RDX: variants seen among roughly 807,000 people sequenced by gnomAD.
RDX encodes deafness, autosomal recessive 24.
In RDX, 32 loss-of-function variants were observed where a neutral mutation model predicts 83.7. That is an observed-to-expected ratio of 0.38 (90% CI 0.29 to 0.51). The LOEUF (loss-of-function observed/expected upper bound fraction) is 0.51. RDX is among the 20% of genes least tolerant of loss of function. The pLI, the probability that RDX is intolerant of heterozygous loss-of-function variation, is 0.87. For missense variants in RDX, 600 were observed against 689.9 expected (o/e 0.87, Z 1.46); for synonymous variants, 229 against 222.7 (o/e 1.03, Z -0.25).
At chr11:110,189,243 TAA>T (rs35450797) in intron 15 of RDX, among the ~76,000 whole-genome samples, 58 of 35,586 alleles carry the variant, frequency 1.6e-3, no homozygotes, top group South Asian at 3.7e-3. Context: ...GAACAACAGG[TAA>T]AAAAAAAAAA....
chr11:110,219,414 T>C (rs941861773), intron 14 of RDX, among the ~76,000 whole-genome samples: 2 of 152,194 alleles, frequency 1.3e-5, no homozygotes, highest in Admixed American at 6.5e-5. Context: ...CCGAAGGATT[T>C]TGAGCACAAG....
Position 110,242,407 on chromosome 11 carries a change from C to T in RDX, c.1091-4755G>A, listed in dbSNP as rs898639075. The stretch of plus-strand genomic sequence containing the variant: ...CGAGATTGCACAATCGCACTCCAGC[C>T]TAGGGGACAAGAGCAAGACTTTGTC... On this transcript the variant is annotated intron_variant, in intron 10 of 13. Coordinates refer to ENST00000645495, the MANE Select transcript of RDX (RefSeq NM_002906.4). Among the ~76,000 whole-genome samples the T allele has an allele frequency of 2.0e-5, 3 of 147,984 alleles. No homozygotes were observed. The South Asian group carries it at 6.4e-4, about 31-fold the overall frequency.
chr11:110,187,574 C>T (rs1863011900), intron 15 of RDX, among the ~76,000 whole-genome samples: 1 of 152,206 alleles, frequency 6.6e-6, no homozygotes, highest in African/African-American at 2.4e-5. Flanking sequence ...GCCCCCACTC[C>T]CTGTGCAGAG....
intron 3 of RDX, among the ~76,000 whole-genome samples, chr11:110,266,077 C>T (rs1860029695): frequency 6.6e-6 from 1 of 152,016 alleles, no homozygotes; most frequent in African/African-American, 2.4e-5. Context: ...GTAATCCCAG[C>T]ACTTTGGGAG....
At chr11:110,254,167 A>C in intron 8 of RDX, 58 bp from the exon 9 acceptor site, 1 of 1,414,658 alleles carries the variant, frequency 7.1e-7, no homozygotes, top group Non-Finnish European at 9.9e-7. Flanking sequence ...CTCTCATAAC[A>C]ATCTGTACTA....
chr11:110,288,522 A>G (rs1190081045), intron 1 of RDX: 1 of 152,134 alleles, frequency 6.6e-6, no homozygotes, highest in Non-Finnish European at 1.5e-5. Context: ...AGAAGCAAAC[A>G]CAAAATAATT....
chr11:110,295,587 G>C (rs1233516061), intron 1 of RDX, among the ~76,000 whole-genome samples: 2 of 144,736 alleles, frequency 1.4e-5, no homozygotes, highest in Admixed American at 1.4e-4. Context: ...CAAATATTGG[G>C]AATGTCTGAA....
intron 10 of RDX, among the ~76,000 whole-genome samples, chr11:110,238,797 G>A (rs1419126644): frequency 4.0e-5 from 6 of 151,784 alleles, no homozygotes; most frequent in Non-Finnish European, 7.4e-5. Context: ...GGTGATGGGC[G>A]CCTGTAATCT....
At chr11:110,227,145 G>GT (rs1864461577), downstream of RDX, among the ~76,000 whole-genome samples, 2 of 151,742 alleles carry the variant, frequency 1.3e-5, no homozygotes, top group African/African-American at 4.8e-5. Flanking sequence ...AACACGATTC[G>GT]TAAGTCTAAA....
intron 15 of RDX, among the ~76,000 whole-genome samples, chr11:110,192,851 A>C (rs1055520794): frequency 8.2e-6 from 1 of 121,922 alleles, no homozygotes; most frequent in Non-Finnish European, 1.9e-5. Context: ...AGTATTGAAA[A>C]GTCAAAAAAA....
intron 1 of RDX, among the ~76,000 whole-genome samples, 181 bp downstream of exon 1, chr11:110,296,286 G>C (rs1188393065): frequency 6.6e-6 from 1 of 151,978 alleles, no homozygotes; most frequent in Non-Finnish European, 1.5e-5. Flanking sequence ...GGAGGAGCCT[G>C]GCCGGCCGGG....
intron 8 of RDX, among the ~76,000 whole-genome samples, chr11:110,254,628 A>C (rs1404509838): frequency 6.6e-6 from 1 of 152,006 alleles, no homozygotes; most frequent in Non-Finnish European, 1.5e-5. Context: ...GGCATGCACC[A>C]CCACATCTGA....
At chr11:110,264,711 T>C (rs1448501778) in intron 4 of RDX, 68 bp downstream of exon 4, 10 of 1,186,482 alleles carry the variant, frequency 8.4e-6, no homozygotes, top group Non-Finnish European at 3.7e-6. Context: ...AGACTTAGCT[T>C]TTCCAGCACA....
chr11:110,195,254 G>A (rs1458474844), intron 15 of RDX, among the ~76,000 whole-genome samples: 13 of 152,090 alleles, frequency 8.5e-5, no homozygotes, highest in Non-Finnish European at 1.3e-4. Flanking sequence ...GTGAGCCACC[G>A]TGCCCAGCCA....
At chr11:110,293,762 C>T (rs1861337486) in intron 1 of RDX, among the ~76,000 whole-genome samples, 1 of 152,042 alleles carries the variant, frequency 6.6e-6, no homozygotes, top group Non-Finnish European at 1.5e-5. Context: ...CCCCGATGCA[C>T]AGAAGTAACA....
At chr11:110,295,550 T>C (rs1381683071) in intron 1 of RDX, among the ~76,000 whole-genome samples, 1 of 147,988 alleles carries the variant, frequency 6.8e-6, no homozygotes, top group Admixed American at 6.8e-5. Context: ...ACCTAGTAAC[T>C]ACTCTTTAAG....
chr11:110,262,544 T>G (rs1265374499), intron 5 of RDX, among the ~76,000 whole-genome samples: 1 of 151,180 alleles, frequency 6.6e-6, no homozygotes, highest in Non-Finnish European at 1.5e-5. Context: ...GCCGAGATCG[T>G]GCCACTGCAC....
At chr11:110,266,096 G>A (rs1860031061) in intron 3 of RDX, among the ~76,000 whole-genome samples, 1 of 151,856 alleles carries the variant, frequency 6.6e-6, no homozygotes, top group African/African-American at 2.4e-5. Context: ...AGGCCGAGGC[G>A]GGCGGATCAC....
At chr11:110,274,123 T>C (rs889468479) in intron 2 of RDX, among the ~76,000 whole-genome samples, 2 of 152,194 alleles carry the variant, frequency 1.3e-5, no homozygotes, top group African/African-American at 4.8e-5. Flanking sequence ...TTTAAAATAA[T>C]CTTATTTTTT....
Sources: gnomAD v4.1 joint callset for allele counts (sites outside exome capture counted in the v4.1 genomes callset) on GRCh38, gnomAD v4.1.1 for gene constraint, MANE v1.5 for transcripts, NCBI Gene and HGNC (gene_info 2026-07-23, HGNC 2026-07-21) for gene names.